The following ANKS1B variants were observed in gnomAD, a reference collection of about 807,000 sequenced individuals.
ANKS1B encodes ankyrin repeat and sterile alpha motif domain-containing protein 1B.
A neutral mutation model predicts 148.3 loss-of-function variants in ANKS1B; 36 were observed. The observed-to-expected ratio is 0.24, with a 90% CI of 0.19 to 0.32. The LOEUF is 0.32. Ranked by LOEUF, ANKS1B falls within the 10% of genes least tolerant of loss-of-function variation. The pLI, the probability that ANKS1B is intolerant of heterozygous loss-of-function variation, is 1.00. For missense variants in ANKS1B, 1,157 were observed against 1,542.6 expected, an observed-to-expected ratio of 0.75 and a Z score of 4.19; for synonymous variants, 542 against 560.8, an observed-to-expected ratio of 0.97 and a Z score of 0.47.
intron 25 of ANKS1B, among the ~76,000 whole-genome samples, chr12:98,769,574 A>G (rs2153468676): frequency 6.6e-6 from 1 of 152,286 alleles, no homozygotes; most frequent in Non-Finnish European, 1.5e-5. Context: ...TCAGGGATAT[A>G]ACGTTCATCA....
chr12:99,717,899 C>CTTTTTT (rs943618905), intron 8 of ANKS1B, among the ~76,000 whole-genome samples: 7 of 111,070 alleles, frequency 6.3e-5, no homozygotes, highest in East Asian at 3.1e-4. Context: ...AGACAATACT[C>CTTTTTT]TTTTTTTTTT....
intron 1 of ANKS1B, among the ~76,000 whole-genome samples, chr12:99,839,662 C>T (rs1459023450): frequency 1.3e-5 from 2 of 151,966 alleles, no homozygotes; most frequent in Admixed American, 6.6e-5. Flanking sequence ...TAAATATTAA[C>T]TCAATAAATC....
chr12:98,911,672 T>C (rs2099787049), intron 17 of ANKS1B, among the ~76,000 whole-genome samples: 1 of 152,218 alleles, frequency 6.6e-6, no homozygotes, highest in Non-Finnish European at 1.5e-5. Context: ...ACAGGCAAGG[T>C]CACAAGTCTG....
chr12:99,134,643 TCTCACACACACACACACACA>T (rs1347610197), intron 15 of ANKS1B, among the ~76,000 whole-genome samples: 17 of 83,148 alleles, frequency 2.0e-4, no homozygotes, highest in East Asian at 9.3e-4. Flanking sequence ...TCTCTCTCTC[TCTCACACACACACACACACA>T]CACACACACA....
chr12:99,712,734 T>C (rs536882117), intron 8 of ANKS1B, among the ~76,000 whole-genome samples: 9 of 152,240 alleles, frequency 5.9e-5, no homozygotes, highest in Middle Eastern at 3.4e-3. Context: ...ATAATCAATA[T>C]AGACATTCTC....
chr12:99,983,320 A>G (rs987330496), intron 1 of ANKS1B, among the ~76,000 whole-genome samples: 2 of 152,180 alleles, frequency 1.3e-5, no homozygotes, highest in African/African-American at 4.8e-5. Flanking sequence ...CGCTATTTCC[A>G]AGGTACTGCT....
chr12:99,521,378 G>T (rs1239582183), intron 9 of ANKS1B, among the ~76,000 whole-genome samples: 1 of 152,054 alleles, frequency 6.6e-6, no homozygotes, highest in East Asian at 1.9e-4. Flanking sequence ...GTTTCTCCAG[G>T]ATTAGTCCTT....
chr12:99,781,635 A>T (rs1266127088), intron 5 of ANKS1B, among the ~76,000 whole-genome samples: 1 of 152,214 alleles, frequency 6.6e-6, no homozygotes, highest in Non-Finnish European at 1.5e-5. Context: ...ACCGTAGTCC[A>T]CAATATAAAA....
intron 17 of ANKS1B, among the ~76,000 whole-genome samples, chr12:99,028,857 T>G (rs1427095788): frequency 6.6e-6 from 1 of 152,192 alleles, no homozygotes; most frequent in East Asian, 1.9e-4. Flanking sequence ...TAATATGAAC[T>G]TCAATGGTTT....
chr12:98,937,909 A>G (rs1597247898), intron 17 of ANKS1B, among the ~76,000 whole-genome samples: 1 of 151,848 alleles, frequency 6.6e-6, no homozygotes, highest in East Asian at 1.9e-4. Flanking sequence ...AGAGAGAGAG[A>G]GAGAGTGCAG....
At chr12:99,127,339 C>CT (rs112196768) in intron 15 of ANKS1B, among the ~76,000 whole-genome samples, 16 of 149,246 alleles carry the variant, frequency 1.1e-4, no homozygotes, top group Non-Finnish European at 1.8e-4. Flanking sequence ...TGCCCGATTA[C>CT]TTTTTTTTTT....
chr12:99,959,051 A>G (rs998902511), intron 1 of ANKS1B, among the ~76,000 whole-genome samples: 3 of 134,526 alleles, frequency 2.2e-5, no homozygotes, highest in African/African-American at 5.8e-5. Flanking sequence ...ACCAAAGAAC[A>G]TGCTTTTTTT....
chr12:99,063,228 CT>C (rs2043023184), intron 16 of ANKS1B, among the ~76,000 whole-genome samples: 1 of 152,200 alleles, frequency 6.6e-6, no homozygotes, highest in Non-Finnish European at 1.5e-5. Context: ...CCTGATATGG[CT>C]TTTGTAATAC....
intron 17 of ANKS1B, among the ~76,000 whole-genome samples, chr12:98,871,878 G>A (rs1315997777): frequency 1.3e-5 from 2 of 152,096 alleles, no homozygotes; most frequent in Non-Finnish European, 1.5e-5. Flanking sequence ...TACTGAAAAA[G>A]CTTGTACACT....
At chr12:99,621,784 TAGAC>T (rs955897608) in intron 9 of ANKS1B, among the ~76,000 whole-genome samples, 28 of 152,102 alleles carry the variant, frequency 1.8e-4, no homozygotes, top group Middle Eastern at 3.4e-3. Flanking sequence ...CAAAAAGACT[TAGAC>T]AGCCACACAA....
At chr12:99,283,924 A>G (rs2078790777) in intron 12 of ANKS1B, among the ~76,000 whole-genome samples, 3 of 152,222 alleles carry the variant, frequency 2.0e-5, no homozygotes, top group African/African-American at 4.8e-5. Flanking sequence ...ACTTATTGAA[A>G]GAATAAAGGA....
At chr12:99,583,102 G>A (rs2097586087) in intron 9 of ANKS1B, among the ~76,000 whole-genome samples, 1 of 152,108 alleles carries the variant, frequency 6.6e-6, no homozygotes, top group African/African-American at 2.4e-5. Context: ...GATGGTGAAG[G>A]ATACAACACA....
chr12:98,773,643 CG>C (rs1361469725), intron 24 of ANKS1B, among the ~76,000 whole-genome samples: 1 of 152,044 alleles, frequency 6.6e-6, no homozygotes, highest in Non-Finnish European at 1.5e-5. Context: ...TTAGTAGAGA[CG>C]GGGTTTACAC....
intron 19 of ANKS1B, among the ~76,000 whole-genome samples, chr12:98,828,946 A>AT (rs1324578566): frequency 6.6e-6 from 1 of 152,226 alleles, no homozygotes; most frequent in Non-Finnish European, 1.5e-5. Context: ...GAGATCAGAC[A>AT]TAATTTCTTC....
Sources: allele counts gnomAD v4.1 joint callset (sites outside exome capture counted in the v4.1 genomes callset), GRCh38; gene constraint gnomAD v4.1.1; transcripts MANE v1.5; gene names NCBI Gene and HGNC (gene_info 2026-07-23, HGNC 2026-07-21).